The following MAN2B2 variants were observed in gnomAD, a reference collection of about 807,000 sequenced individuals.
MAN2B2 encodes the protein mannosidase alpha class 2B member 2, also known as epididymis-specific alpha-mannosidase.
In MAN2B2, 106 loss-of-function variants were observed where a neutral mutation model predicts 117.1. The observed-to-expected ratio is 0.90, with a 90% confidence interval of 0.77 to 1.06. MAN2B2 has a LOEUF of 1.06. Ranked by LOEUF, MAN2B2 falls within the 50% of genes least tolerant of loss-of-function variation. The probability of loss-of-function intolerance (pLI) is 0.00; values close to 1 mark genes in which losing one functional copy is unlikely to be tolerated. For missense variants in MAN2B2, 1,326 were observed against 1,381.4 expected, an observed-to-expected ratio of 0.96 and a Z score of 0.64; for synonymous variants, 544 against 595.1, an observed-to-expected ratio of 0.91 and a Z score of 1.25.
rs761731036 is a variant in MAN2B2, at chr4:6,605,132, C to T, written c.1617C>T (p.His539=). The change falls in exon 11 of 19, where the codon CAC becomes CAT. Residue 539 remains histidine, a synonymous_variant. Transcript: ENST00000285599. ...LTTIPGLSYR[H]YNIRPTAGAQ... Reference sequence around the variant, plus strand: ...CAATCCCAGGCCTCAGTTACCGGCACTACAACATCAGACCCACTGCAGGGG... The same window carrying T: ...CAATCCCAGGCCTCAGTTACCGGCATTACAACATCAGACCCACTGCAGGGG... 1.2e-6 allele frequency: 2 copies of T among 1,614,204 alleles called. No homozygotes were observed. Among genetic ancestry groups the T allele is most frequent in the South Asian group, 1.1e-5 (1 of 91,086 alleles).
At chr4:6,591,066 T>G (rs914237884) in intron 5 of MAN2B2, among the ~76,000 whole-genome samples, 2 of 151,992 alleles carry the variant, frequency 1.3e-5, no homozygotes, top group African/African-American at 4.8e-5. Flanking sequence ...GAGAATCACT[T>G]GAGCCCACAA....
chr4:6,598,776 C>T (rs1727208106), intron 9 of MAN2B2, among the ~76,000 whole-genome samples: 2 of 152,330 alleles, frequency 1.3e-5, no homozygotes, highest in Middle Eastern at 3.4e-3. Flanking sequence ...AACCTGAACA[C>T]GGTGCTGCCC....
At chr4:6,608,418 C>T (rs59353673) in intron 11 of MAN2B2, among the ~76,000 whole-genome samples, 49,463 of 152,162 alleles carry the variant, frequency 0.33, 9,675 homozygotes, top group East Asian at 0.49. Context: ...GATACAAATA[C>T]ATCACTTGTG....
chr4:6,579,313 C>CCACCATCACCACCACCAT (rs1560635054), intron 3 of MAN2B2, among the ~76,000 whole-genome samples: 7 of 70,994 alleles, frequency 9.9e-5, no homozygotes, highest in African/African-American at 3.5e-4. Context: ...ACCACCACCA[C>CCACCATCACCACCACCAT]CACCATCACC....
chr4:6,586,664 A>G (rs150027995), intron 3 of MAN2B2, among the ~76,000 whole-genome samples: 416 of 152,280 alleles, frequency 2.7e-3, no homozygotes, highest in Middle Eastern at 0.01. Context: ...ATAGGGAGTT[A>G]GTGTTTAATG....
intron 7 of MAN2B2, among the ~76,000 whole-genome samples, chr4:6,595,138 G>A (rs1008705182): frequency 1.3e-5 from 2 of 152,204 alleles, no homozygotes; most frequent in South Asian, 2.1e-4. Context: ...TCATTACTGG[G>A]CACCTCCTGT....
intron 16 of MAN2B2, among the ~76,000 whole-genome samples, chr4:6,615,019 C>T (rs985413073): frequency 2.6e-5 from 4 of 152,216 alleles, no homozygotes; most frequent in East Asian, 1.9e-4. Context: ...CCCTCTACAC[C>T]GTGAGCAGTG....
At chr4:6,595,831 T>C (rs1727055223) in intron 7 of MAN2B2, among the ~76,000 whole-genome samples, 1 of 152,228 alleles carries the variant, frequency 6.6e-6, no homozygotes, top group Admixed American at 6.5e-5. Flanking sequence ...ACCCATGACC[T>C]GGCTTAGTCC....
chr4:6,589,611 G>A (rs1726781710), intron 5 of MAN2B2, among the ~76,000 whole-genome samples: 1 of 152,160 alleles, frequency 6.6e-6, no homozygotes, highest in South Asian at 2.1e-4. Context: ...CCAGCAGAGT[G>A]GGTGGGGTTA....
chr4:6,576,694 TG>T lies in MAN2B2; in HGVS notation c.257del (p.Gly86AlafsTer34). 6.2e-7 allele frequency: 1 copy of T among 1,613,938 alleles called. No individual in the cohort carries two copies. The highest frequency in any genetic ancestry group is 1.1e-5 in the South Asian group (1 of 91,086). ...EQEFFRLWWD[G>X]VASDQQKYQV... ...AGGAGTTTTTCCGGCTGTGGTGGGA[TG>T]GCGTCGCCTCGGACCAGCAGAAATA... On this transcript the variant is annotated frameshift_variant, in exon 2 of 19. Coordinates refer to ENST00000285599, the MANE Select transcript of MAN2B2 (RefSeq NM_015274.3). LOFTEE classifies it high-confidence loss of function.
chr4:6,608,800 C>T (rs771118369), intron 11 of MAN2B2, among the ~76,000 whole-genome samples: 104 of 152,268 alleles, frequency 6.8e-4, no homozygotes, highest in Admixed American at 3.5e-3. Flanking sequence ...GCACTGGTTT[C>T]GCTTGCAGAC....
intron 17 of MAN2B2, chr4:6,618,619 A>G (rs1712009619): frequency 6.6e-6 from 1 of 152,328 alleles, no homozygotes; most frequent in Admixed American, 6.5e-5. Flanking sequence ...CAGCTCTACT[A>G]TCAGGCGAGG....
chr4:6,595,480 C>T (rs966959294), intron 7 of MAN2B2, among the ~76,000 whole-genome samples: 3 of 152,110 alleles, frequency 2.0e-5, no homozygotes, highest in Admixed American at 1.3e-4. Flanking sequence ...ATGTAGAGGC[C>T]GGGAAGTCCA....
At chr4:6,581,610 G>A (rs987371807) in intron 3 of MAN2B2, among the ~76,000 whole-genome samples, 4 of 151,830 alleles carry the variant, frequency 2.6e-5, no homozygotes, top group South Asian at 2.1e-4. Flanking sequence ...CACTGCTTCC[G>A]GGCCCTTTAT....
At chr4:6,586,848 C>T in intron 3 of MAN2B2, 148 bp from the exon 4 acceptor site, 1 of 629,022 alleles carries the variant, frequency 1.6e-6, no homozygotes, top group Non-Finnish European at 2.8e-6. Flanking sequence ...TAATTAACAC[C>T]CTCACCTCTG....
rs377354001 is a variant in MAN2B2, at chr4:6,611,169, C to A, written c.2454C>A (p.His818Gln). 6.8e-6 allele frequency: 11 copies of A among 1,613,992 alleles called. No individual in the cohort carries two copies. The South Asian group carries it at 1.2e-4, about 18-fold the overall frequency. ...CGCTGAACGACACCTCAGTCGTCCA[C>A]CCAGTGCTCTGGCTTCTGCTGGGAT... Reference protein sequence around the residue: ...NLTLNDTSVVHPVLWLLLGSW... With the variant: ...NLTLNDTSVVQPVLWLLLGSW... Residue 818 changes from histidine to glutamine, a missense_variant, in exon 15 of 19, where the codon CAC becomes CAA. By Grantham distance (24) the His-to-Gln change is conservative. Transcript: ENST00000285599.
At chr4:6,600,037 G>A (rs572274620) in intron 9 of MAN2B2, among the ~76,000 whole-genome samples, 6 of 152,384 alleles carry the variant, frequency 3.9e-5, no homozygotes, top group African/African-American at 1.2e-4. Flanking sequence ...AGCCCAGGCA[G>A]AGGCAGGGAG....
intron 3 of MAN2B2, among the ~76,000 whole-genome samples, chr4:6,585,301 A>T (rs1442616132): frequency 6.6e-6 from 1 of 152,190 alleles, no homozygotes; most frequent in Non-Finnish European, 1.5e-5. Context: ...CTGCAAGTTC[A>T]TCAGTGAAAG....
intron 4 of MAN2B2, 122 bp downstream of exon 4, chr4:6,587,290 T>C (rs1726675373): frequency 3.3e-6 from 4 of 1,228,196 alleles, no homozygotes; most frequent in East Asian, 2.6e-5. Context: ...GGCAGCTGCA[T>C]AGACCGCGGG....
Sources: gnomAD v4.1 joint callset for allele counts (sites outside exome capture counted in the v4.1 genomes callset) on GRCh38, gnomAD v4.1.1 for gene constraint, MANE v1.5 for transcripts, NCBI Gene and HGNC (gene_info 2026-07-23, HGNC 2026-07-21) for gene names.